UCN2: variants seen among roughly 807,000 people sequenced by gnomAD.
The protein encoded by UCN2 is urocortin 2, also known as urocortin-2.
In UCN2, 3 loss-of-function variants were observed where a neutral mutation model predicts 1.6. That is an observed-to-expected ratio of 1.88 (90% CI 0.85 to 4.85). The LOEUF is 4.85. UCN2 is among the 30% of genes most tolerant of loss of function. The pLI, the probability that UCN2 is intolerant of heterozygous loss-of-function variation, is 0.02. For missense variants in UCN2, 127 were observed against 150.8 expected (o/e 0.84, Z 0.83); for synonymous variants, 64 against 66.0 (o/e 0.97, Z 0.15).
In UCN2 at chr3:48,563,042, A is replaced by G; in HGVS notation, c.83T>C (p.Phe28Ser). ...GGGAGAATTCTGAGGGCGGAGCTGG[A>G]AGGTTGGGATAGGGGTCACTGGGAC... ...LVVPVTPIPT[F>S]QLRPQNSPQT... The change falls in exon 2 of 2, where the codon TTC becomes TCC. Residue 28 changes from phenylalanine to serine, a missense_variant. Coordinates refer to ENST00000273610, the MANE Select transcript of UCN2 (RefSeq NM_033199.4). This position sits in a 1 kb window ranked among gnomAD's most constrained non-coding sequence, Gnocchi z 4.5. 6.2e-7 allele frequency: 1 copy of G among 1,612,074 alleles called. No individual in the cohort carries two copies. Among genetic ancestry groups the G allele is most frequent in the Non-Finnish European group, 8.5e-7 (1 of 1,179,544 alleles).
rs1243348370 is a variant in UCN2 at position 48,563,232 on chromosome 3, GGA to G, written c.-12-98_-12-97del. 7.4e-6 allele frequency: 8 copies of G among 1,085,782 alleles called. No homozygotes were observed. The highest frequency in any genetic ancestry group is 9.2e-6 in the Non-Finnish European group (7 of 760,794). The allele number at this position is 1,085,782 out of a possible 1,614,324, so 67.3% of individuals were successfully genotyped here. On this transcript the variant is annotated intron_variant, in intron 1 of 1. Coordinates refer to ENST00000273610, the MANE Select transcript of UCN2 (RefSeq NM_033199.4). This position sits in a 1 kb window ranked among gnomAD's most constrained non-coding sequence, Gnocchi z 4.5. ...AGGGCAGAGTGACAGAGCGGGGGATGGAGAGAGAGGAAGACACCGAGAAAGGG... is the reference window on the plus strand; with the variant it reads ...AGGGCAGAGTGACAGAGCGGGGGATGGAGAGAGGAAGACACCGAGAAAGGG...
chr3:48,562,678 G>C lies in UCN2; in HGVS notation c.*108C>G, dbSNP rs906164284. 9.0e-7 allele frequency: 1 copy of C among 1,105,234 alleles called. No individual in the cohort carries two copies. The highest frequency in any genetic ancestry group is 1.3e-6 in the Non-Finnish European group (1 of 793,014). 68.5% of individuals were successfully genotyped at this position (1,105,234 alleles called of 1,614,324 possible). On this transcript the variant is annotated 3_prime_UTR_variant, in exon 2 of 2. Transcript: ENST00000273610. This position sits in a 1 kb window ranked among gnomAD's most constrained non-coding sequence, Gnocchi z 4.3. ...ACACTGTATGCCCAGATGTGGCAGC[G>C]TCCAGACACTGTATGCCCAGATGTG...
At position 48,563,643 on chromosome 3, in the gene UCN2, C is replaced by T. The variant is rs2043473863; in HGVS notation, c.-13+60G>A. ...CCTGGGTCCAAGCCCTCCATAAAGC[C>T]AAACCCCACATCCACTCAACCTCCA... On this transcript the variant is annotated intron_variant, in intron 1 of 1. Coordinates refer to ENST00000273610, the MANE Select transcript of UCN2 (RefSeq NM_033199.4). This position sits in a 1 kb window ranked among gnomAD's most constrained non-coding sequence, Gnocchi z 4.5. The T allele has an allele frequency of 1.2e-5, 2 of 164,306 alleles. No individual in the cohort carries two copies. Among genetic ancestry groups the T allele is most frequent in the South Asian group, 3.0e-4 (2 of 6,654 alleles). The allele number at this position is 164,306 out of a possible 1,614,324, so 10.2% of individuals were successfully genotyped here.
Position 48,563,372 on chromosome 3 carries a change from A to G in UCN2, c.-12-236T>C, listed in dbSNP as rs2043469074. 6.6e-6 allele frequency among the ~76,000 whole-genome samples: 1 copy of G among 152,094 alleles called. No homozygotes were observed. Among genetic ancestry groups the G allele is most frequent in the African/African-American group, 2.4e-5 (1 of 41,380 alleles). On this transcript the variant is annotated intron_variant, in intron 1 of 1. Coordinates refer to ENST00000273610, the MANE Select transcript of UCN2 (RefSeq NM_033199.4). This position sits in a 1 kb window ranked among gnomAD's most constrained non-coding sequence, Gnocchi z 4.5. ...AAAAAAGAAACAAAGAAATCCAGAGACAGAGGGACAGCAAGAGAGGGAGAT... is the reference window on the plus strand; with the variant it reads ...AAAAAAGAAACAAAGAAATCCAGAGGCAGAGGGACAGCAAGAGAGGGAGAT...
At position 48,562,805 on chromosome 3, in the gene UCN2, G is replaced by A. The variant is rs897149630; in HGVS notation, c.320C>T (p.Ala107Val). 1.3e-6 allele frequency: 2 copies of A among 1,558,304 alleles called. No individual in the cohort carries two copies. Among genetic ancestry groups the A allele is most frequent in the African/African-American group, 1.4e-5 (1 of 73,784 alleles). Residue 107 changes from alanine to valine, a missense_variant, in exon 2 of 2, where the codon GCC becomes GTC. Ala to Val is a moderately conservative substitution (Grantham distance 64). Around this residue, in one of 2 missense-constraint regions of UCN2, gnomAD observed 122 missense variants for 131.5 expected, o/e 0.93. Transcript: ENST00000273610. The surrounding 1 kb of genome is among the most constrained non-coding windows in gnomAD (Gnocchi z 4.3). ...TCAGGCTCAGCAGTGGCCGACACGG[G>A]CCAGGATGCGGGCGTTGGTGGTGGC... ...EQATTNARIL[A>V]RVGHC
At position 48,563,323 on chromosome 3, in the gene UCN2, C is replaced by G. The variant is rs2043468390; in HGVS notation, c.-12-187G>C. 6.7e-6 allele frequency among the ~76,000 whole-genome samples: 1 copy of G among 150,112 alleles called. No homozygotes were observed. The highest frequency in any genetic ancestry group is 2.5e-5 in the African/African-American group (1 of 40,670). Reference sequence around the variant, plus strand: ...AGACAAGAGGAGAGCCAGAATGAGACAAAGAGGCAGAAAGCAAGACAGAAA... The same window carrying G: ...AGACAAGAGGAGAGCCAGAATGAGAGAAAGAGGCAGAAAGCAAGACAGAAA... On this transcript the variant is annotated intron_variant, in intron 1 of 1. Transcript: ENST00000273610. This position sits in a 1 kb window ranked among gnomAD's most constrained non-coding sequence, Gnocchi z 4.5.
rs751720407 is a variant in UCN2, at chr3:48,562,896, C to A, written c.229G>T (p.Asp77Tyr). 1 of 1,604,562 alleles carries A rather than the reference C, an allele frequency of 6.2e-7. No homozygotes were observed. Among genetic ancestry groups the A allele is most frequent in the South Asian group, 1.1e-5 (1 of 89,348 alleles). The change falls in exon 2 of 2, where the codon GAT (aspartate) becomes TAT (tyrosine). Residue 77 changes from aspartate to tyrosine, a missense_variant. Physicochemically the swap from Asp to Tyr is radical, Grantham distance 160. Around this residue, in one of 2 missense-constraint regions of UCN2, gnomAD observed 122 missense variants for 131.5 expected, o/e 0.93. Transcript: ENST00000273610. The surrounding 1 kb of genome is among the most constrained non-coding windows in gnomAD (Gnocchi z 4.3). ...HPGSRIVLSL[D>Y]VPIGLLQILL... ...ATCTGCAAGAGGCCGATGGGGACAT[C>A]CAGCGATAGGACAATGCGCGAGCCA... is the stretch of plus-strand genomic sequence containing the variant.
In UCN2 at chr3:48,562,929, G is replaced by A. The variant is rs765735658; in HGVS notation, c.196C>T (p.Arg66Cys). Residue 66 changes from arginine (R) to cysteine (C), a missense_variant, in exon 2 of 2, where the codon CGC becomes TGC. Arg to Cys is a radical substitution (Grantham distance 180). Around this residue, in one of 2 missense-constraint regions of UCN2, gnomAD observed 122 missense variants for 131.5 expected, o/e 0.93. Coordinates refer to ENST00000273610, the MANE Select transcript of UCN2 (RefSeq NM_033199.4). This position sits in a 1 kb window ranked among gnomAD's most constrained non-coding sequence, Gnocchi z 4.3. ...WAAQSHCSPT[R>C]HPGSRIVLSL... is the part of the protein sequence containing the mutation. ...AGGACAATGCGCGAGCCAGGGTGGC[G>A]GGTGGGGCTGCAGTGGCTCTGGGCA... The A allele has an allele frequency of 1.4e-5, 22 of 1,604,638 alleles. No homozygotes were observed. The highest frequency in any genetic ancestry group is 4.5e-5 in the East Asian group (2 of 44,626).
Position 48,563,156 on chromosome 3 carries a change from T to C in UCN2, c.-12-20A>G. ...GTCAGGCTGCAAGGAGAAAATGGGCTCAGGGCAGGGGCTCTGGTCAACTGG... is the reference window on the plus strand; with the variant it reads ...GTCAGGCTGCAAGGAGAAAATGGGCCCAGGGCAGGGGCTCTGGTCAACTGG... On this transcript the variant is annotated intron_variant, in intron 1 of 1. Coordinates refer to ENST00000273610, the MANE Select transcript of UCN2 (RefSeq NM_033199.4). The surrounding 1 kb of genome is among the most constrained non-coding windows in gnomAD (Gnocchi z 4.5). 1 of 1,587,236 alleles carries C rather than the reference T, an allele frequency of 6.3e-7. No homozygotes were observed. The highest frequency in any genetic ancestry group is 8.6e-7 in the Non-Finnish European group (1 of 1,167,026).
chr3:48,562,695 C>T lies in UCN2; in HGVS notation c.*91G>A. 7.1e-6 allele frequency: 9 copies of T among 1,267,760 alleles called. No homozygotes were observed. The highest frequency in any genetic ancestry group is 7.5e-6 in the Non-Finnish European group (7 of 936,980). The allele number at this position is 1,267,760 out of a possible 1,614,324, so 78.5% of individuals were successfully genotyped here. On this transcript the variant is annotated 3_prime_UTR_variant, in exon 2 of 2. Transcript: ENST00000273610. The surrounding 1 kb of genome is among the most constrained non-coding windows in gnomAD (Gnocchi z 4.3). Reference sequence around the variant, plus strand: ...GTGGCAGCGTCCAGACACTGTATGCCCAGATGTGGCAGCATCCGTCCAGCT... The same window carrying T: ...GTGGCAGCGTCCAGACACTGTATGCTCAGATGTGGCAGCATCCGTCCAGCT...
At position 48,563,523 on chromosome 3, in the gene UCN2, C is replaced by T. The variant is rs1366183036; in HGVS notation, c.-13+180G>A. Among the ~76,000 whole-genome samples, 5 of 152,078 alleles carry T rather than the reference C, an allele frequency of 3.3e-5. No individual in the cohort carries two copies. The highest frequency in any genetic ancestry group is 7.2e-5 in the African/African-American group (3 of 41,386). Reference sequence around the variant, plus strand: ...AACACAGAGTCCACAGGAGGGCAGGCGGTTCTCAGCAGGAGAGCTTGCAGC... The same window carrying T: ...AACACAGAGTCCACAGGAGGGCAGGTGGTTCTCAGCAGGAGAGCTTGCAGC... On this transcript the variant is annotated intron_variant, in intron 1 of 1. Coordinates refer to ENST00000273610, the MANE Select transcript of UCN2 (RefSeq NM_033199.4). This position sits in a 1 kb window ranked among gnomAD's most constrained non-coding sequence, Gnocchi z 4.5.
Position 48,563,266 on chromosome 3 carries a change from G to C in UCN2, c.-12-130C>G. Reference sequence around the variant, plus strand: ...GGAAGACACCGAGAAAGGGGTTAGAGAGGCCAGGCCAGGCCAGAGACAGAG... The same window carrying C: ...GGAAGACACCGAGAAAGGGGTTAGACAGGCCAGGCCAGGCCAGAGACAGAG... On this transcript the variant is annotated intron_variant, in intron 1 of 1. Transcript: ENST00000273610. The surrounding 1 kb of genome is among the most constrained non-coding windows in gnomAD (Gnocchi z 4.5). The C allele has an allele frequency of 1.3e-6, 1 of 771,996 alleles. No homozygotes were observed. Among genetic ancestry groups the C allele is most frequent in the Non-Finnish European group, 2.0e-6 (1 of 491,698 alleles). The allele number at this position is 771,996 out of a possible 1,614,324, so 47.8% of individuals were successfully genotyped here. A position where few individuals can be genotyped will look rare whatever the true frequency, so the allele number is the denominator to read the frequency against.
chr3:48,562,825 G>A lies in UCN2; in HGVS notation c.300C>T (p.Thr100=), dbSNP rs747293529. ...ARARAAREQA[T]TNARILARVG... is the part of the protein sequence containing the mutation. ...CACGGGCCAGGATGCGGGCGTTGGT[G>A]GTGGCCTGCTCCCTGGCAGCCCTGG... The change falls in exon 2 of 2, where the codon ACC becomes ACT. Residue 100 remains threonine (T), a synonymous_variant. Transcript: ENST00000273610. This position sits in a 1 kb window ranked among gnomAD's most constrained non-coding sequence, Gnocchi z 4.3. 1.9e-6 allele frequency: 3 copies of A among 1,574,706 alleles called. No individual in the cohort carries two copies. Among genetic ancestry groups the A allele is most frequent in the Non-Finnish European group, 2.6e-6 (3 of 1,160,910 alleles).
chr3:48,562,505 G>A lies in UCN2; in HGVS notation c.*281C>T. On this transcript the variant is annotated 3_prime_UTR_variant, in exon 2 of 2. Coordinates refer to ENST00000273610, the MANE Select transcript of UCN2 (RefSeq NM_033199.4). This position sits in a 1 kb window ranked among gnomAD's most constrained non-coding sequence, Gnocchi z 4.3. ...CTGTCCGGACATATATTAGGTCTGT[G>A]GGGCACACAGGCATGGCAAGACTCC... 2.0e-6 allele frequency: 1 copy of A among 499,894 alleles called. No individual in the cohort carries two copies. Among genetic ancestry groups the A allele is most frequent in the South Asian group, 3.0e-5 (1 of 33,666 alleles). The allele number at this position is 499,894 out of a possible 1,614,324, so 31.0% of individuals were successfully genotyped here. A position where few individuals can be genotyped will look rare whatever the true frequency, so the allele number is the denominator to read the frequency against.
Position 48,562,689 on chromosome 3 carries a change from G to C in UCN2, c.*97C>G. 1 of 1,213,628 alleles carries C rather than the reference G, an allele frequency of 8.2e-7. No homozygotes were observed. Among genetic ancestry groups the C allele is most frequent in the Non-Finnish European group, 1.1e-6 (1 of 889,062 alleles). 75.2% of individuals were successfully genotyped at this position (1,213,628 alleles called of 1,614,324 possible). Reference sequence around the variant, plus strand: ...CCAGATGTGGCAGCGTCCAGACACTGTATGCCCAGATGTGGCAGCATCCGT... The same window carrying C: ...CCAGATGTGGCAGCGTCCAGACACTCTATGCCCAGATGTGGCAGCATCCGT... On this transcript the variant is annotated 3_prime_UTR_variant, in exon 2 of 2. Transcript: ENST00000273610. The surrounding 1 kb of genome is among the most constrained non-coding windows in gnomAD (Gnocchi z 4.3).
chr3:48,563,221 G>A lies in UCN2; in HGVS notation c.-12-85C>T, dbSNP rs9845083. The A allele has an allele frequency of 8.2e-7, 1 of 1,217,512 alleles. No homozygotes were observed. Among genetic ancestry groups the A allele is most frequent in the Non-Finnish European group, 1.2e-6 (1 of 868,498 alleles). 75.4% of individuals were successfully genotyped at this position (1,217,512 alleles called of 1,614,324 possible). A position where few individuals can be genotyped will look rare whatever the true frequency, so the allele number is the denominator to read the frequency against. On this transcript the variant is annotated intron_variant, in intron 1 of 1. Transcript: ENST00000273610. The surrounding 1 kb of genome is among the most constrained non-coding windows in gnomAD (Gnocchi z 4.5). Reference sequence around the variant, plus strand: ...GACAGATGGCAAGGGCAGAGTGACAGAGCGGGGGATGGAGAGAGAGGAAGA... The same window carrying A: ...GACAGATGGCAAGGGCAGAGTGACAAAGCGGGGGATGGAGAGAGAGGAAGA...
rs781418790 is a variant in UCN2 at position 48,562,959 on chromosome 3, A to C, written c.166T>G (p.Trp56Gly). ...GGGCTGCAGTGGCTCTGGGCAGCCC[A>C]CGGCCATGTGGGAGCAGCTGAGGGG... is the stretch of plus-strand genomic sequence containing the variant. ...ESPSAAPTWPWAAQSHCSPTR... is the reference protein window; with the variant it reads ...ESPSAAPTWPGAAQSHCSPTR... Residue 56 changes from tryptophan to glycine, a missense_variant, in exon 2 of 2, where the codon TGG becomes GGG. Around this residue, in one of 2 missense-constraint regions of UCN2, gnomAD observed 122 missense variants for 131.5 expected, o/e 0.93. Coordinates refer to ENST00000273610, the MANE Select transcript of UCN2 (RefSeq NM_033199.4). This position sits in a 1 kb window ranked among gnomAD's most constrained non-coding sequence, Gnocchi z 4.3. 4 of 1,606,140 alleles carry C rather than the reference A, an allele frequency of 2.5e-6. No homozygotes were observed. In the East Asian group the frequency reaches 6.7e-5, roughly 27 times the overall value.
At position 48,563,070 on chromosome 3, in the gene UCN2, C is replaced by A. The variant is rs756392975; in HGVS notation, c.55G>T (p.Val19Phe). Reference protein sequence around the residue: ...LMVLMLGRVLVVPVTPIPTFQ... With the variant: ...LMVLMLGRVLFVPVTPIPTFQ... ...GTTGGGATAGGGGTCACTGGGACAA[C>A]CAGGACTCTGCCCAACATCAGGACC... Residue 19 changes from valine to phenylalanine, a missense_variant, in exon 2 of 2, where the codon GTT (valine) becomes TTT (phenylalanine). Physicochemically the swap from Val to Phe is conservative, Grantham distance 50 (BLOSUM62 -1). Transcript: ENST00000273610. The surrounding 1 kb of genome is among the most constrained non-coding windows in gnomAD (Gnocchi z 4.5). The A allele has an allele frequency of 6.2e-7, 1 of 1,611,976 alleles. No individual in the cohort carries two copies. Among genetic ancestry groups the A allele is most frequent in the Admixed American group, 1.7e-5 (1 of 59,804 alleles).
rs1375831694 is a variant in UCN2 at position 48,562,516 on chromosome 3, G to A, written c.*270C>T. 9 of 519,850 alleles carry A rather than the reference G, an allele frequency of 1.7e-5. No individual in the cohort carries two copies. The highest frequency in any genetic ancestry group is 3.9e-5 in the African/African-American group (2 of 50,640). 32.2% of individuals were successfully genotyped at this position (519,850 alleles called of 1,614,324 possible). ...TATATTAGGTCTGTGGGGCACACAG[G>A]CATGGCAAGACTCCATGTGGCAGTG... On this transcript the variant is annotated 3_prime_UTR_variant, in exon 2 of 2. Coordinates refer to ENST00000273610, the MANE Select transcript of UCN2 (RefSeq NM_033199.4). The surrounding 1 kb of genome is among the most constrained non-coding windows in gnomAD (Gnocchi z 4.3).
Sources: gnomAD v4.1 joint callset for allele counts (sites outside exome capture counted in the v4.1 genomes callset) on GRCh38, gnomAD v4.1.1 for gene constraint, gnomAD v4.1.1 regional missense constraint, Gnocchi (gnomAD v3.1) non-coding constraint, MANE v1.5 for transcripts, NCBI Gene and HGNC (gene_info 2026-07-23, HGNC 2026-07-21) for gene names.